Variants in SLC38A12 observed in about 807,000 individuals in gnomAD.
The protein encoded by SLC38A12 is solute carrier family 38 member 12.
chr17:74,822,007 T>C, the SLC38A12 span, among the ~76,000 whole-genome samples: 1 of 152,190 alleles, frequency 6.6e-6, no homozygotes, highest in African/African-American at 2.4e-5. Context: ...CCCAGGATAG[T>C]GACAGTTAAT....
At chr17:74,827,820 A>G in the SLC38A12 span, among the ~76,000 whole-genome samples, 16 of 152,030 alleles carry the variant, frequency 1.1e-4, no homozygotes, top group African/African-American at 3.9e-4. This position sits in a 1 kb window ranked among gnomAD's most constrained non-coding sequence, Gnocchi z 4.7. Context: ...TTAAGGAACA[A>G]ATGCCCAATC....
At chr17:74,777,217 C>T in the SLC38A12 span, 11 of 1,237,322 alleles carry the variant, frequency 8.9e-6, no homozygotes, top group Non-Finnish European at 1.3e-5. Context: ...TCCTCCCACC[C>T]CTGTCTCAGT....
chr17:74,785,027 C>T, the SLC38A12 span, among the ~76,000 whole-genome samples: 1 of 152,050 alleles, frequency 6.6e-6, no homozygotes, highest in Non-Finnish European at 1.5e-5. Flanking sequence ...ATATCCGTGT[C>T]CCAAAGGACA....
At chr17:74,811,156 C>T in the SLC38A12 span, among the ~76,000 whole-genome samples, 1 of 151,938 alleles carries the variant, frequency 6.6e-6, no homozygotes, top group African/African-American at 2.4e-5. Context: ...ATGGTAAGAC[C>T]CTGTCTCTAC....
the SLC38A12 span, chr17:74,836,169 G>A: frequency 1.1e-5 from 18 of 1,613,164 alleles, no homozygotes; most frequent in South Asian, 2.2e-5. The surrounding 1 kb of genome is among the most constrained non-coding windows in gnomAD (Gnocchi z 4.2). Flanking sequence ...CTCCTTCACC[G>A]CCATCTTCTG....
chr17:74,824,440 G>A, the SLC38A12 span, among the ~76,000 whole-genome samples: 8 of 152,294 alleles, frequency 5.3e-5, no homozygotes, highest in South Asian at 6.2e-4. Context: ...AGCCGATGGC[G>A]GGAGGCTGCC....
the SLC38A12 span, among the ~76,000 whole-genome samples, chr17:74,822,433 CT>C: frequency 6.6e-6 from 1 of 152,372 alleles, no homozygotes; most frequent in Admixed American, 6.5e-5. Flanking sequence ...TCGAGAGAGG[CT>C]TTTGGCAGCA....
At chr17:74,821,387 G>A in the SLC38A12 span, among the ~76,000 whole-genome samples, 1 of 152,234 alleles carries the variant, frequency 6.6e-6, no homozygotes, top group Admixed American at 6.5e-5. Flanking sequence ...ATACTCACCA[G>A]TGAGTGCCGT....
At chr17:74,836,385 C>G in the SLC38A12 span, 3 of 1,611,788 alleles carry the variant, frequency 1.9e-6, no homozygotes, top group Non-Finnish European at 2.5e-6. The surrounding 1 kb of genome is among the most constrained non-coding windows in gnomAD (Gnocchi z 4.2). Context: ...GGTGGTGGAC[C>G]GCGTCGTGTT....
the SLC38A12 span, chr17:74,790,931 C>A: frequency 3.6e-4 from 585 of 1,612,450 alleles, 1 homozygote; most frequent in Non-Finnish European, 4.7e-4. Flanking sequence ...ACCACTTCCT[C>A]TTCCTTGTTC....
chr17:74,822,441 A>G, the SLC38A12 span, among the ~76,000 whole-genome samples: 1 of 152,236 alleles, frequency 6.6e-6, no homozygotes, highest in South Asian at 2.1e-4. Flanking sequence ...GGCTTTTGGC[A>G]GCATCAGGAG....
the SLC38A12 span, among the ~76,000 whole-genome samples, chr17:74,828,907 A>G: frequency 6.6e-6 from 1 of 152,114 alleles, no homozygotes; most frequent in Non-Finnish European, 1.5e-5. Flanking sequence ...CCAGGTACGC[A>G]CACATCCACA....
At chr17:74,789,622 G>T in the SLC38A12 span, among the ~76,000 whole-genome samples, 1 of 151,294 alleles carries the variant, frequency 6.6e-6, no homozygotes, top group African/African-American at 2.4e-5. Context: ...GAGGTGGGTG[G>T]ATCACCTGAG....
At chr17:74,823,938 T>A in the SLC38A12 span, among the ~76,000 whole-genome samples, 1 of 152,252 alleles carries the variant, frequency 6.6e-6, no homozygotes, top group South Asian at 2.1e-4. Flanking sequence ...TGGGGCCGTG[T>A]TGTTAGCGCA....
the SLC38A12 span, among the ~76,000 whole-genome samples, chr17:74,812,280 G>GC: frequency 3.3e-3 from 498 of 152,242 alleles, 3 homozygotes; most frequent in African/African-American, 0.011. Flanking sequence ...TGCAAATCCT[G>GC]CCCTAGCCAC....
At chr17:74,784,779 G>A in the SLC38A12 span, among the ~76,000 whole-genome samples, 1 of 152,060 alleles carries the variant, frequency 6.6e-6, no homozygotes, top group Non-Finnish European at 1.5e-5. Context: ...CTGAAGTTGG[G>A]TGGGCAAGCG....
At chr17:74,816,544 G>A in the SLC38A12 span, among the ~76,000 whole-genome samples, 1 of 152,200 alleles carries the variant, frequency 6.6e-6, no homozygotes, top group African/African-American at 2.4e-5. Flanking sequence ...GGCCCCTGGT[G>A]TTATCTAAAC....
At chr17:74,836,223 G>A in the SLC38A12 span, 742 of 1,611,482 alleles carry the variant, frequency 4.6e-4, 1 homozygote, top group Non-Finnish European at 5.7e-4. The surrounding 1 kb of genome is among the most constrained non-coding windows in gnomAD (Gnocchi z 4.2). Flanking sequence ...CCTCAACTTC[G>A]CGCGCTGTGA....
At chr17:74,815,046 T>A in the SLC38A12 span, among the ~76,000 whole-genome samples, 2 of 151,884 alleles carry the variant, frequency 1.3e-5, no homozygotes, top group Non-Finnish European at 2.9e-5. Flanking sequence ...GGTGAAGGCA[T>A]GAGGTTGAAA....
Sources: allele counts gnomAD v4.1 joint callset (sites outside exome capture counted in the v4.1 genomes callset), GRCh38; gene constraint gnomAD v4.1.1; non-coding constraint Gnocchi (gnomAD v3.1); transcripts MANE v1.5; gene names NCBI Gene and HGNC (gene_info 2026-07-23, HGNC 2026-07-21).